The following NWD1 variants were observed in gnomAD, a reference collection of about 807,000 sequenced individuals.
NWD1 encodes the protein NACHT and WD repeat domain containing 1.
In NWD1, 129 loss-of-function variants were observed where a neutral mutation model predicts 135.1. That is an observed-to-expected ratio of 0.96 (90% CI 0.83 to 1.11). The LOEUF (loss-of-function observed/expected upper bound fraction) is 1.11, where lower values mean the gene tolerates loss of function less well. Ranked by LOEUF, NWD1 falls within the 50% of genes least tolerant of loss-of-function variation. The pLI is 0.00. For synonymous variants in NWD1, 773 were observed against 786.0 expected (o/e 0.98, Z 0.28); for missense variants, 1,740 against 1,851.3 (o/e 0.94, Z 1.10).
At chr19:16,746,232 C>T (rs925540330) in intron 5 of NWD1, among the ~76,000 whole-genome samples, 3 of 151,282 alleles carry the variant, frequency 2.0e-5, no homozygotes, top group African/African-American at 7.3e-5. Flanking sequence ...TGGTGGTGCA[C>T]ACCTGTAGTC....
chr19:16,782,745 C>T (rs950655525), intron 12 of NWD1, among the ~76,000 whole-genome samples: 1 of 152,008 alleles, frequency 6.6e-6, no homozygotes, highest in African/African-American at 2.4e-5. Context: ...CCTGTAGTCC[C>T]AGCTACAAGG....
chr19:16,762,344 T>C lies in NWD1; in HGVS notation c.2133+206T>C, dbSNP rs567308022. On this transcript the variant is annotated intron_variant, in intron 8 of 18. Transcript: ENST00000524140. ...CAGAGTCTTACTCTGTCGCCCAGGC[T>C]GGAGTGCAATGGCGTGATCTCAGCT... 4.5e-5 allele frequency among the ~76,000 whole-genome samples: 6 copies of C among 134,462 alleles called. No homozygotes were observed. The East Asian group carries it at 8.7e-4, about 20-fold the overall frequency. The allele number at this position is 134,462 out of a possible 152,430, so 88.2% of individuals were successfully genotyped here.
chr19:16,807,227 C>G (rs1443765458), intron 17 of NWD1, among the ~76,000 whole-genome samples: 3 of 151,130 alleles, frequency 2.0e-5, no homozygotes, highest in Non-Finnish European at 4.4e-5. Flanking sequence ...GGTGTGGTGG[C>G]TCACGCCTGT....
chr19:16,764,394 TCCATCCATCTAACTATCCATTTATCCAC>T (rs1385825872), intron 9 of NWD1, among the ~76,000 whole-genome samples: 1 of 149,008 alleles, frequency 6.7e-6, no homozygotes, highest in African/African-American at 2.5e-5. Flanking sequence ...CATCCATCCA[TCCATCCATCTAACTATCCATTTATCCAC>T]CCATCCATCT....
In NWD1 at chr19:16,740,642, A is replaced by ATT. The variant is rs1162769783; in HGVS notation, c.199-3758_199-3757dup. 4.1e-3 allele frequency among the ~76,000 whole-genome samples: 462 copies of ATT among 112,870 alleles called. 8 individuals are homozygous for ATT. Among genetic ancestry groups the ATT allele is most frequent in the African/African-American group, 0.011 (327 of 28,898 alleles). 74.0% of individuals were successfully genotyped at this position (112,870 alleles called of 152,430 possible). A position where few individuals can be genotyped will look rare whatever the true frequency, so the allele number is the denominator to read the frequency against. ...CGTGAGCCACTGCGCCCAGACTTCT[A>ATT]TTTTTTTTTTTTTTTTTTTTTTGAG... On this transcript the variant is annotated intron_variant, in intron 4 of 18. Transcript: ENST00000524140.
chr19:16,762,203 C>T, intron 8 of NWD1, 65 bp downstream of exon 8: 1 of 1,465,572 alleles, frequency 6.8e-7, no homozygotes, highest in Non-Finnish European at 9.4e-7. Context: ...TGCTCACCTC[C>T]TTCCTTCCCC....
At chr19:16,756,547 TTATC>T (rs1423809249) in intron 6 of NWD1, among the ~76,000 whole-genome samples, 8 of 152,240 alleles carry the variant, frequency 5.3e-5, no homozygotes, top group African/African-American at 1.7e-4. Flanking sequence ...ATCTTTATGT[TTATC>T]TATCTCTGTA....
intron 10 of NWD1, among the ~76,000 whole-genome samples, chr19:16,767,024 A>G (rs554257978): frequency 1.5e-3 from 222 of 152,272 alleles, no homozygotes; most frequent in African/African-American, 5.0e-3. Flanking sequence ...CACTCCCTGT[A>G]CTAGTCTGTT....
rs368859469 is a variant in NWD1, at chr19:16,807,676, C to T, written c.3827C>T (p.Ser1276Leu). Residue 1276 changes from serine to leucine, a missense_variant, in exon 18 of 19, where the codon TCG becomes TTG. Ser to Leu is a moderately radical substitution (Grantham distance 145). Transcript: ENST00000524140. ...AAGCTCCTATTTACGGGCCTCGTGT[C>T]GGGGGTCGTCCTTGTGTTCCCCCTG... Reference protein sequence around the residue: ...QRKLLFTGLVSGVVLVFPLNS... With the variant: ...QRKLLFTGLVLGVVLVFPLNS... 71 of 1,610,168 alleles carry T rather than the reference C, an allele frequency of 4.4e-5. No individual in the cohort carries two copies. Among genetic ancestry groups the T allele is most frequent in the Middle Eastern group, 1.7e-4 (1 of 6,050 alleles).
intron 17 of NWD1, among the ~76,000 whole-genome samples, chr19:16,805,823 CTAT>C (rs1970730147): frequency 6.6e-6 from 1 of 152,220 alleles, no homozygotes; most frequent in Non-Finnish European, 1.5e-5. Context: ...TTCCTTTCTC[CTAT>C]TATTTCATCA....
chr19:16,784,338 C>G (rs1319876210), intron 12 of NWD1, among the ~76,000 whole-genome samples: 1 of 151,940 alleles, frequency 6.6e-6, no homozygotes, highest in Admixed American at 6.6e-5. Flanking sequence ...TATGCTCCAG[C>G]CGGGGTAACA....
Position 16,744,676 on chromosome 19 carries a change from G to A in NWD1, c.454G>A (p.Gly152Arg), listed in dbSNP as rs1170715932. 10 of 1,535,882 alleles carry A rather than the reference G, an allele frequency of 6.5e-6. No homozygotes were observed. The highest frequency in any genetic ancestry group is 2.7e-5 in the African/African-American group (2 of 73,016). The change falls in exon 5 of 19, where the codon GGG (glycine) becomes AGG (arginine). Residue 152 changes from glycine (G) to arginine (R), a missense_variant. Gly to Arg is a moderately radical substitution (Grantham distance 125). Transcript: ENST00000524140. ...RSGAQEARRL[G>R]LITQEQWQHY... Reference sequence around the variant, plus strand: ...TGGAGCCCAGGAGGCCCGGAGGCTGGGGCTCATCACCCAGGAGCAGTGGCA... The same window carrying A: ...TGGAGCCCAGGAGGCCCGGAGGCTGAGGCTCATCACCCAGGAGCAGTGGCA...
At chr19:16,751,950 AAAG>A (rs991094760) in intron 6 of NWD1, among the ~76,000 whole-genome samples, 13 of 151,726 alleles carry the variant, frequency 8.6e-5, no homozygotes, top group African/African-American at 1.5e-4. Context: ...GAAGGAAAGA[AAAG>A]AAGAAGGGAA....
In NWD1 at chr19:16,789,061, GA is replaced by G; in HGVS notation, c.2813del (p.Asn938ThrfsTer79). On this transcript the variant is annotated frameshift_variant, in exon 13 of 19. Transcript: ENST00000524140. LOFTEE classifies it high-confidence loss of function. ...ASKDYTLHLWNLLSGQEKFTI... is the reference protein window; with the variant it reads ...ASKDYTLHLWXLLSGQEKFTI... Reference sequence around the variant, plus strand: ...CAAAGGATTACACGCTGCACTTGTGGAACTTACTCTCTGGCCAGGAGAAATT... The same window carrying G: ...CAAAGGATTACACGCTGCACTTGTGGACTTACTCTCTGGCCAGGAGAAATT... 1 of 1,613,494 alleles carries G rather than the reference GA, an allele frequency of 6.2e-7. No homozygotes were observed. Among genetic ancestry groups the G allele is most frequent in the Non-Finnish European group, 8.5e-7 (1 of 1,179,792 alleles).
At chr19:16,761,957 A>G (rs751458673) in intron 7 of NWD1, 22 bp from the exon 8 acceptor site, 3 of 1,592,172 alleles carry the variant, frequency 1.9e-6, no homozygotes, top group Non-Finnish European at 2.6e-6. Context: ...CAGGTCTATC[A>G]GTCTGTATAC....
intron 7 of NWD1, among the ~76,000 whole-genome samples, chr19:16,760,757 A>G (rs982236501): frequency 6.6e-6 from 1 of 151,340 alleles, no homozygotes; most frequent in Non-Finnish European, 1.5e-5. Flanking sequence ...CACCCAGCTA[A>G]TTTTTGTATT....
At chr19:16,739,481 G>A (rs1967993757) in intron 4 of NWD1, among the ~76,000 whole-genome samples, 1 of 152,124 alleles carries the variant, frequency 6.6e-6, no homozygotes, top group African/African-American at 2.4e-5. Flanking sequence ...AGAGAACCTA[G>A]GGGTGATCTC....
intron 17 of NWD1, among the ~76,000 whole-genome samples, chr19:16,806,722 A>G (rs952289095): frequency 6.6e-6 from 1 of 150,394 alleles, no homozygotes; most frequent in African/African-American, 2.5e-5. Flanking sequence ...TAATAAATAA[A>G]TACATAAATA....
At position 16,750,129 on chromosome 19, in the gene NWD1, C is replaced by G. The variant is rs768362430; in HGVS notation, c.1487C>G (p.Ser496Cys). ...PEAYWEVKPL[S>C]GNQGQQMIQL... is the part of the protein sequence containing the mutation. ...GCCTACTGGGAGGTGAAGCCCCTTTCCGGAAACCAAGGCCAGCAGATGATC... is the reference window on the plus strand; with the variant it reads ...GCCTACTGGGAGGTGAAGCCCCTTTGCGGAAACCAAGGCCAGCAGATGATC... The change falls in exon 6 of 19, where the codon TCC becomes TGC. Residue 496 changes from serine to cysteine, a missense_variant. Physicochemically the swap from Ser to Cys is moderately radical, Grantham distance 112. Transcript: ENST00000524140. The G allele has an allele frequency of 3.7e-6, 6 of 1,614,008 alleles. No individual in the cohort carries two copies. The highest frequency in any genetic ancestry group is 5.1e-6 in the Non-Finnish European group (6 of 1,180,010).
Sources: gnomAD v4.1 joint callset for allele counts (sites outside exome capture counted in the v4.1 genomes callset) on GRCh38, gnomAD v4.1.1 for gene constraint, MANE v1.5 for transcripts, NCBI Gene and HGNC (gene_info 2026-07-23, HGNC 2026-07-21) for gene names.